WDR45B: variants seen among roughly 807,000 people sequenced by gnomAD.
WDR45B encodes the protein WD repeat domain 45B.
A neutral mutation model predicts 44.6 loss-of-function variants in WDR45B; 20 were observed. The observed-to-expected ratio is 0.45, with a 90% CI of 0.32 to 0.65. The LOEUF (loss-of-function observed/expected upper bound fraction) is 0.65. WDR45B is among the 30% of genes least tolerant of loss of function. The pLI is 0.05. For missense variants in WDR45B, 323 were observed against 430.2 expected, an observed-to-expected ratio of 0.75 and a Z score of 2.20; for synonymous variants, 169 against 164.9, an observed-to-expected ratio of 1.02 and a Z score of -0.19.
intron 2 of WDR45B, 25 bp downstream of exon 2, chr17:82,643,924 C>G (rs1482490012): frequency 1.2e-6 from 2 of 1,611,000 alleles, no homozygotes; most frequent in Non-Finnish European, 1.7e-6. Flanking sequence ...GGGGAGAAAC[C>G]AGAAAATGTC....
At chr17:82,634,150 C>CAAAAAAAAAAAAAAAAA (rs36183298) in intron 2 of WDR45B, among the ~76,000 whole-genome samples, 7 of 31,908 alleles carry the variant, frequency 2.2e-4, no homozygotes, top group African/African-American at 2.5e-4. Flanking sequence ...GACTCCATCT[C>CAAAAAAAAAAAAAAAAA]AAAAAAAAAA....
At chr17:82,621,287 C>T (rs1312715633) in intron 6 of WDR45B, among the ~76,000 whole-genome samples, 3 of 152,212 alleles carry the variant, frequency 2.0e-5, no homozygotes, top group Non-Finnish European at 4.4e-5. Context: ...CATCTGACCT[C>T]AAGTGATCCG....
intron 8 of WDR45B, 135 bp downstream of exon 8, chr17:82,617,161 A>C: frequency 1.3e-6 from 1 of 798,628 alleles, no homozygotes; most frequent in East Asian, 2.7e-5. Flanking sequence ...TAAATGAAAA[A>C]GATTTCAGCG....
chr17:82,614,723 AAAG>A lies in WDR45B; in HGVS notation c.*1193_*1195del, dbSNP rs2045507261. 1 of 152,586 alleles carries A rather than the reference AAAG, an allele frequency of 6.6e-6. No homozygotes were observed. The highest frequency in any genetic ancestry group is 2.4e-5 in the African/African-American group (1 of 41,466). 9.5% of individuals were successfully genotyped at this position (152,586 alleles called of 1,614,324 possible). A position where few individuals can be genotyped will look rare whatever the true frequency, so the allele number is the denominator to read the frequency against. ...TAGCTGATTACATGACAGTGACAGT[AAAG>A]AACTAAAGAAACCGGCAAAACCGAG... On this transcript the variant is annotated 3_prime_UTR_variant, in exon 10 of 10. Transcript: ENST00000392325.
intron 2 of WDR45B, among the ~76,000 whole-genome samples, chr17:82,638,047 G>T (rs1223115163): frequency 2.0e-5 from 3 of 150,174 alleles, no homozygotes; most frequent in Non-Finnish European, 4.4e-5. Context: ...GTAGCCAGGT[G>T]TGGTGGCATG....
chr17:82,639,013 G>C (rs376329728), intron 2 of WDR45B, among the ~76,000 whole-genome samples: 5 of 151,866 alleles, frequency 3.3e-5, no homozygotes, highest in African/African-American at 1.2e-4. Context: ...AGTAGAGATG[G>C]GGTTTCACCA....
At chr17:82,618,228 C>G (rs1452200815) in intron 7 of WDR45B, among the ~76,000 whole-genome samples, 1 of 152,230 alleles carries the variant, frequency 6.6e-6, no homozygotes. Flanking sequence ...CTGCGCCCGG[C>G]TATATTAATT....
chr17:82,616,030 G>A lies in WDR45B; in HGVS notation c.929-5C>T, dbSNP rs766225522. The A allele has an allele frequency of 1.2e-6, 2 of 1,612,498 alleles. No individual in the cohort carries two copies. The highest frequency in any genetic ancestry group is 1.7e-5 in the Admixed American group (1 of 59,980). On this transcript the variant is annotated splice_region_variant and splice_polypyrimidine_tract_variant and intron_variant, in intron 9 of 9. Coordinates refer to ENST00000392325, the MANE Select transcript of WDR45B (RefSeq NM_019613.4). ...AGCTGCCGTCTGCACAAATTGCTGGGATAGAAGGAGACCATTTTACCTGTG... is the reference window on the plus strand; with the variant it reads ...AGCTGCCGTCTGCACAAATTGCTGGAATAGAAGGAGACCATTTTACCTGTG...
intron 1 of WDR45B, among the ~76,000 whole-genome samples, chr17:82,647,054 C>G (rs2045987089): frequency 6.6e-6 from 1 of 152,070 alleles, no homozygotes; most frequent in South Asian, 2.1e-4. Flanking sequence ...CATGGTGAAA[C>G]CCCGTCTCTA....
At chr17:82,619,260 T>G in intron 6 of WDR45B, 132 bp from the exon 7 acceptor site, 1 of 845,918 alleles carries the variant, frequency 1.2e-6, no homozygotes, top group Non-Finnish European at 1.9e-6. Flanking sequence ...ATCTACTACT[T>G]AACTTTCTCC....
chr17:82,643,262 G>A (rs1016397364), intron 2 of WDR45B, among the ~76,000 whole-genome samples: 3 of 152,058 alleles, frequency 2.0e-5, no homozygotes, highest in Non-Finnish European at 4.4e-5. Context: ...GTGAAACCCC[G>A]TCTCTACTAA....
At chr17:82,621,847 A>C in intron 5 of WDR45B, 48 bp from the exon 6 acceptor site, 557 of 1,597,032 alleles carry the variant, frequency 3.5e-4, no homozygotes, top group Non-Finnish European at 4.4e-4. Context: ...TTGATTTCTC[A>C]CAGCCAAAGT....
intron 2 of WDR45B, among the ~76,000 whole-genome samples, chr17:82,634,902 T>C (rs1459867780): frequency 6.6e-6 from 1 of 151,868 alleles, no homozygotes; most frequent in Non-Finnish European, 1.5e-5. Flanking sequence ...GAGATCAACC[T>C]AGAGAACACT....
At chr17:82,617,932 CTTTT>C (rs896081781) in intron 7 of WDR45B, among the ~76,000 whole-genome samples, 9 of 143,686 alleles carry the variant, frequency 6.3e-5, no homozygotes, top group Non-Finnish European at 1.4e-4. Flanking sequence ...CATTTTCTTT[CTTTT>C]TTTTTTTTTT....
At chr17:82,626,558 A>AAAG (rs60177259) in intron 4 of WDR45B, among the ~76,000 whole-genome samples, 1 of 149,500 alleles carries the variant, frequency 6.7e-6, no homozygotes, top group South Asian at 2.1e-4. Context: ...AAAAAAAAAA[A>AAAG]GGGCAGGGAG....
rs531241469 is a variant in WDR45B at position 82,631,391 on chromosome 17, C to T, written c.143-369G>A. On this transcript the variant is annotated intron_variant, in intron 2 of 9. Transcript: ENST00000392325. Reference sequence around the variant, plus strand: ...CTCCACCTCCTGGGTTCAAGCCACTCTCCTGCCTCAGCCTCCCCAGGTAGT... The same window carrying T: ...CTCCACCTCCTGGGTTCAAGCCACTTTCCTGCCTCAGCCTCCCCAGGTAGT... 4.3e-4 allele frequency among the ~76,000 whole-genome samples: 64 copies of T among 148,402 alleles called. No individual in the cohort carries two copies. The South Asian group carries it at 0.014, about 32-fold the overall frequency.
intron 2 of WDR45B, among the ~76,000 whole-genome samples, chr17:82,639,423 T>C (rs2045880189): frequency 6.6e-6 from 1 of 152,002 alleles, no homozygotes; most frequent in Non-Finnish European, 1.5e-5. Context: ...GCCAAATTAC[T>C]CCACAAGGCT....
intron 1 of WDR45B, among the ~76,000 whole-genome samples, chr17:82,644,822 A>G (rs1419524781): frequency 3.3e-5 from 5 of 152,224 alleles, no homozygotes; most frequent in Non-Finnish European, 7.3e-5. Context: ...GATCTTTCCA[A>G]TGACTGCACA....
chr17:82,631,298 T>C (rs1289874145), intron 2 of WDR45B, among the ~76,000 whole-genome samples: 11 of 146,004 alleles, frequency 7.5e-5, no homozygotes, highest in Non-Finnish European at 1.4e-4. Context: ...TTTTTTTTTT[T>C]TTTGAGAAGG....
Sources: gnomAD v4.1 joint callset for allele counts (sites outside exome capture counted in the v4.1 genomes callset) on GRCh38, gnomAD v4.1.1 for gene constraint, MANE v1.5 for transcripts, NCBI Gene and HGNC (gene_info 2026-07-23, HGNC 2026-07-21) for gene names.